The following REEP2 variants were observed in gnomAD, a reference collection of about 807,000 sequenced individuals.
REEP2 encodes receptor accessory protein 2, also known as receptor expression-enhancing protein 2.
REEP2 carries 9 observed loss-of-function variants against 32.1 expected under a neutral mutation model. The ratio of observed to expected loss-of-function variants is 0.28; its 90% CI spans 0.17 to 0.49. The LOEUF (loss-of-function observed/expected upper bound fraction) is 0.49, where lower values mean the gene tolerates loss of function less well. REEP2 is among the 20% of genes least tolerant of loss of function. REEP2 has a pLI of 0.99. For missense variants in REEP2, 236 were observed against 338.0 expected, an observed-to-expected ratio of 0.70 and a Z score of 2.37; for synonymous variants, 128 against 139.1, an observed-to-expected ratio of 0.92 and a Z score of 0.56.
At position 138,439,272 on chromosome 5, in the gene REEP2, G is replaced by A. The variant is rs199654301; in HGVS notation, c.32+32G>A. ...GCGGCGGCGGCGGGGGGTGATGCGG[G>A]CTGTGATGGAGGGCGGGGGTGTTAA... On this transcript the variant is annotated intron_variant, in intron 1 of 7. Transcript: ENST00000378339. 214 of 1,429,644 alleles carry A rather than the reference G, an allele frequency of 1.5e-4. 1 individual carries two copies. In the East Asian group the frequency reaches 1.9e-3, roughly 13 times the overall value. The allele number at this position is 1,429,644 out of a possible 1,614,324, so 88.6% of individuals were successfully genotyped here. A position where few individuals can be genotyped will look rare whatever the true frequency, so the allele number is the denominator to read the frequency against.
chr5:138,444,385 T>C, intron 3 of REEP2, 30 bp from the exon 4 acceptor site: 1 of 1,611,116 alleles, frequency 6.2e-7, no homozygotes, highest in Non-Finnish European at 8.5e-7. Context: ...CTCCCTGCCC[T>C]GTACTCTGCG....
rs778771248 is a variant in REEP2, at chr5:138,445,850, C to T, written c.*99C>T. ...CACTGTGCCAGTAGCCTAGGTGTCTCAGGCCCCTGGGCCCCGCAGATGGCC... is the reference window on the plus strand; with the variant it reads ...CACTGTGCCAGTAGCCTAGGTGTCTTAGGCCCCTGGGCCCCGCAGATGGCC... On this transcript the variant is annotated 3_prime_UTR_variant, in exon 8 of 8. Transcript: ENST00000378339. 5 of 1,211,818 alleles carry T rather than the reference C, an allele frequency of 4.1e-6. No individual in the cohort carries two copies. The highest frequency in any genetic ancestry group is 1.5e-5 in the South Asian group (1 of 67,274). The allele number at this position is 1,211,818 out of a possible 1,614,324, so 75.1% of individuals were successfully genotyped here. A position where few individuals can be genotyped will look rare whatever the true frequency, so the allele number is the denominator to read the frequency against.
intron 4 of REEP2, 41 bp from the exon 5 acceptor site, chr5:138,444,713 G>C (rs1296720171): frequency 6.3e-7 from 1 of 1,596,192 alleles, no homozygotes; most frequent in African/African-American, 1.3e-5. Context: ...CAAGGGTAGG[G>C]CAGGACCTCT....
At position 138,445,747 on chromosome 5, in the gene REEP2, C is replaced by A; in HGVS notation, c.761C>A (p.Ala254Asp). ...AAGACCTCTGGCGGGGGCGACTCAG[C>A]TTGAGCCCCTCCACCCCCGCAGGCT... ...KKKTSGGGDS[A>D] Residue 254 changes from alanine (A) to aspartate (D), a missense_variant, in exon 8 of 8, where the codon GCT becomes GAT. By Grantham distance (126) the Ala-to-Asp change is moderately radical. Transcript: ENST00000378339. 6.2e-7 allele frequency: 1 copy of A among 1,613,800 alleles called. No individual in the cohort carries two copies. Among genetic ancestry groups the A allele is most frequent in the Non-Finnish European group, 8.5e-7 (1 of 1,179,924 alleles).
Position 138,445,539 on chromosome 5 carries a change from G to A in REEP2, c.637G>A (p.Asp213Asn), listed in dbSNP as rs1047042709. Residue 213 changes from aspartate to asparagine, a missense_variant, in exon 7 of 8, where the codon GAC becomes AAC. Coordinates refer to ENST00000378339, the MANE Select transcript of REEP2 (RefSeq NM_001271803.2). Reference sequence around the variant, plus strand: ...TTCCCGGACAGAGGCTTCTGAGGATGACATGGGAGACAAAGCTCCCAAGAG... The same window carrying A: ...TTCCCGGACAGAGGCTTCTGAGGATAACATGGGAGACAAAGCTCCCAAGAG... The part of the protein sequence containing the change: ...ADSRTEASED[D>N]MGDKAPKRAK... 2 of 1,614,096 alleles carry A rather than the reference G, an allele frequency of 1.2e-6. No individual in the cohort carries two copies. The highest frequency in any genetic ancestry group is 1.7e-6 in the Non-Finnish European group (2 of 1,180,032).
rs887300164 is a variant in REEP2 at position 138,441,922 on chromosome 5, G to A, written c.182+461G>A. 7.9e-5 allele frequency among the ~76,000 whole-genome samples: 12 copies of A among 151,292 alleles called. No homozygotes were observed. The highest frequency in any genetic ancestry group is 2.2e-4 in the African/African-American group (9 of 41,196). ...AGCCTGGGCAACAGAGTGAGACTCC[G>A]TCTCAAAAAAAAAACAAACAAACAA... On this transcript the variant is annotated intron_variant, in intron 3 of 7. Coordinates refer to ENST00000378339, the MANE Select transcript of REEP2 (RefSeq NM_001271803.2). The surrounding 1 kb of genome is among the most constrained non-coding windows in gnomAD (Gnocchi z 4.4).
At chr5:138,439,881 G>A (rs1763790315) in intron 1 of REEP2, 3 of 401,656 alleles carry the variant, frequency 7.5e-6, no homozygotes, top group South Asian at 5.5e-5. Flanking sequence ...CCCCGCTGGG[G>A]GAGGACGCTC....
At position 138,445,287 on chromosome 5, in the gene REEP2, C is replaced by A. The variant is rs1216347336; in HGVS notation, c.477C>A (p.Ile159=). 1.9e-6 allele frequency: 3 copies of A among 1,613,570 alleles called. No homozygotes were observed. In the East Asian group the frequency reaches 6.7e-5, roughly 36 times the overall value. Residue 159 remains isoleucine (I), a synonymous_variant, in exon 6 of 8, where the codon ATC becomes ATA. Coordinates refer to ENST00000378339, the MANE Select transcript of REEP2 (RefSeq NM_001271803.2). ...TCAGCATGCAGGACCTGACCCTGAT[C>A]CGGGACGAGGACGCACTGCCCCTGC... The part of the protein sequence containing the change: ...RSFSMQDLTL[I]RDEDALPLQR...
chr5:138,445,610 G>A lies in REEP2; in HGVS notation c.696+12G>A, dbSNP rs767304286. 6 of 1,614,068 alleles carry A rather than the reference G, an allele frequency of 3.7e-6. No homozygotes were observed. In the African/African-American group the frequency reaches 4.0e-5, roughly 11 times the overall value. On this transcript the variant is annotated intron_variant, in intron 7 of 7. Transcript: ENST00000378339. Reference sequence around the variant, plus strand: ...CGCCCAAAGCTGAGGTGAGGGCACTGGCCAGAGCTTGGGGAAACAGGCAGG... The same window carrying A: ...CGCCCAAAGCTGAGGTGAGGGCACTAGCCAGAGCTTGGGGAAACAGGCAGG...
chr5:138,442,187 G>A (rs1191761653), intron 3 of REEP2, among the ~76,000 whole-genome samples: 1 of 152,186 alleles, frequency 6.6e-6, no homozygotes, highest in Non-Finnish European at 1.5e-5. Context: ...AGCACTTTGA[G>A]GACAGGGAAT....
In REEP2 at chr5:138,445,224, C is replaced by T. The variant is rs1483543669; in HGVS notation, c.418-4C>T. The T allele has an allele frequency of 5.0e-6, 8 of 1,599,784 alleles. 1 individual carries two copies. In the Admixed American group the frequency reaches 8.6e-5, roughly 17 times the overall value. On this transcript the variant is annotated splice_polypyrimidine_tract_variant and splice_region_variant and intron_variant, in intron 5 of 7. Transcript: ENST00000378339. ...GCTCTCCCGGTGCGTGGTGGTGACC[C>T]TAGGGCCAGGGGGTGCTGTCAGAGA...
chr5:138,441,420 C>T lies in REEP2; in HGVS notation c.141C>T (p.Phe47=). The change falls in exon 3 of 8, where the codon TTC becomes TTT. Residue 47 remains phenylalanine, a synonymous_variant. Coordinates refer to ENST00000378339, the MANE Select transcript of REEP2 (RefSeq NM_001271803.2). The surrounding 1 kb of genome is among the most constrained non-coding windows in gnomAD (Gnocchi z 4.4). ...KWMMYWIVFA[F]FTTAETLTDI... ...TGATGTACTGGATCGTCTTTGCCTT[C>T]TTCACCACGGCCGAGACGCTCACGG... The T allele has an allele frequency of 6.2e-7, 1 of 1,614,230 alleles. No homozygotes were observed. The highest frequency in any genetic ancestry group is 1.3e-5 in the African/African-American group (1 of 75,074).
At position 138,441,011 on chromosome 5, in the gene REEP2, C is replaced by T; in HGVS notation, c.33-5C>T. On this transcript the variant is annotated splice_polypyrimidine_tract_variant and splice_region_variant and intron_variant, in intron 1 of 7. Coordinates refer to ENST00000378339, the MANE Select transcript of REEP2 (RefSeq NM_001271803.2). The surrounding 1 kb of genome is among the most constrained non-coding windows in gnomAD (Gnocchi z 4.4). ...GAGGCCCAGTAACCATGCCTGCCTC[C>T]CTAGGCTCATCTTTGGCACCCTGTA... 2 of 1,612,492 alleles carry T rather than the reference C, an allele frequency of 1.2e-6. No homozygotes were observed. The highest frequency in any genetic ancestry group is 3.3e-5 in the Admixed American group (2 of 60,014).
At chr5:138,443,209 C>G (rs1763858933) in intron 3 of REEP2, among the ~76,000 whole-genome samples, 1 of 151,916 alleles carries the variant, frequency 6.6e-6, no homozygotes, top group African/African-American at 2.4e-5. Flanking sequence ...CCCATAATCA[C>G]AGCACTTTGG....
At chr5:138,444,251 A>T in intron 3 of REEP2, 164 bp from the exon 4 acceptor site, 1 of 736,250 alleles carries the variant, frequency 1.4e-6, no homozygotes, top group Non-Finnish European at 2.2e-6. Flanking sequence ...TGAGCCCTCC[A>T]GACCCTTTCA....
Position 138,439,181 on chromosome 5 carries a change from C to A in REEP2, c.-28C>A. 2.2e-6 allele frequency: 3 copies of A among 1,355,228 alleles called. No homozygotes were observed. Among genetic ancestry groups the A allele is most frequent in the Admixed American group, 3.0e-5 (1 of 33,460 alleles). 84.0% of individuals were successfully genotyped at this position (1,355,228 alleles called of 1,614,324 possible). ...GCTGCATCCTCGGCCGGGCCGGGTC[C>A]CCGCCCCGCGCCGCGCCCGGCCCCG... On this transcript the variant is annotated 5_prime_UTR_variant, in exon 1 of 8. Coordinates refer to ENST00000378339, the MANE Select transcript of REEP2 (RefSeq NM_001271803.2).
rs753924888 is a variant in REEP2 at position 138,445,254 on chromosome 5, C to A, written c.444C>A (p.Leu148=). The A allele has an allele frequency of 1.2e-6, 2 of 1,612,150 alleles. No homozygotes were observed. The highest frequency in any genetic ancestry group is 2.2e-5 in the South Asian group (2 of 90,900). ...AKGQGVLSEK[L]RSFSMQDLTL... is the part of the protein sequence containing the mutation. ...GCCAGGGGGTGCTGTCAGAGAAGCT[C>A]CGCAGCTTCAGCATGCAGGACCTGA... The change falls in exon 6 of 8, where the codon CTC becomes CTA. Residue 148 remains leucine, a synonymous_variant. Transcript: ENST00000378339.
chr5:138,439,621 G>A lies in REEP2; in HGVS notation c.32+381G>A, dbSNP rs192077894. The A allele has an allele frequency of 6.5e-4, 308 of 474,932 alleles. 1 individual carries two copies. The highest frequency in any genetic ancestry group is 9.4e-4 in the Non-Finnish European group (226 of 240,368). The allele number at this position is 474,932 out of a possible 1,614,324, so 29.4% of individuals were successfully genotyped here. On this transcript the variant is annotated intron_variant, in intron 1 of 7. Transcript: ENST00000378339. ...CCTCAGACCCGGGCCCTGTCCCTCT[G>A]GGGGAGGTAACAGGGTGATGGAAGA...
chr5:138,445,755 C>T lies in REEP2; in HGVS notation c.*4C>T. 4 of 1,613,304 alleles carry T rather than the reference C, an allele frequency of 2.5e-6. No homozygotes were observed. Among genetic ancestry groups the T allele is most frequent in the Non-Finnish European group, 3.4e-6 (4 of 1,179,714 alleles). ...TGGCGGGGGCGACTCAGCTTGAGCC[C>T]CTCCACCCCCGCAGGCTGCAGAGCA... On this transcript the variant is annotated 3_prime_UTR_variant, in exon 8 of 8. Transcript: ENST00000378339.
Sources: gnomAD v4.1 joint callset for allele counts (sites outside exome capture counted in the v4.1 genomes callset) on GRCh38, gnomAD v4.1.1 for gene constraint, Gnocchi (gnomAD v3.1) non-coding constraint, MANE v1.5 for transcripts, NCBI Gene and HGNC (gene_info 2026-07-23, HGNC 2026-07-21) for gene names.